The following PTOV1 variants were observed in gnomAD, a reference collection of about 807,000 sequenced individuals.
PTOV1 encodes prostate tumor-overexpressed gene 1 protein.
PTOV1 carries 20 observed loss-of-function variants against 58.0 expected under a neutral mutation model. That is an observed-to-expected ratio of 0.34 (90% confidence interval 0.24 to 0.50). The LOEUF (loss-of-function observed/expected upper bound fraction) is 0.50. Among genes scored for constraint, PTOV1 ranks in the 20% least tolerant of loss-of-function variants. The pLI is 0.98. For missense variants in PTOV1, 593 were observed against 565.4 expected, an observed-to-expected ratio of 1.05 and a Z score of -0.50; for synonymous variants, 335 against 234.2, an observed-to-expected ratio of 1.43 and a Z score of -3.93.
rs200354830 is a variant in PTOV1, at chr19:49,858,027, TC to T, written c.879-28del. 7.5e-4 allele frequency: 1,208 copies of T among 1,613,776 alleles called. 5 individuals are homozygous for T. In the African/African-American group the frequency reaches 0.014, roughly 19 times the overall value. On this transcript the variant is annotated intron_variant, in intron 8 of 11. Coordinates refer to ENST00000391842, the Ensembl canonical transcript of PTOV1. ...GGCAGCATCCAGGGGAGCTGGGGCT[TC>T]CTGACCCTCGTCCCTTTGTGCCCCA...
At position 49,851,738 on chromosome 19, in the gene PTOV1, A is replaced by G. The variant is rs913768421; in HGVS notation, c.171+239A>G. ...TGGGGGACGGGGGCGGGGCGGGCTC[A>G]TATTACTGCTGACTCCGCGGCCCGA... is the stretch of plus-strand genomic sequence containing the variant. On this transcript the variant is annotated intron_variant, in intron 1 of 11. Coordinates refer to ENST00000391842, the Ensembl canonical transcript of PTOV1. The G allele has an allele frequency of 9.9e-6, 11 of 1,114,968 alleles. No homozygotes were observed. The African/African-American group carries it at 1.2e-4, about 12-fold the overall frequency. 69.1% of individuals were successfully genotyped at this position (1,114,968 alleles called of 1,614,324 possible).
intron 5 of PTOV1, 167 bp downstream of exon 5, chr19:49,855,244 G>T (rs151174127): frequency 4.6e-6 from 3 of 648,382 alleles, no homozygotes; most frequent in Non-Finnish European, 8.2e-6. Context: ...GGCACCCTCC[G>T]TAGAGCACAG....
At position 49,857,838 on chromosome 19, in the gene PTOV1, TGGGAG is replaced by T. The variant is rs1168376146; in HGVS notation, c.804+61_805-57del. 7.4e-6 allele frequency: 12 copies of T among 1,611,996 alleles called. No homozygotes were observed. The South Asian group carries it at 8.8e-5, about 12-fold the overall frequency. On this transcript the variant is annotated intron_variant, in intron 7 of 11. Transcript: ENST00000391842. The stretch of plus-strand genomic sequence containing the variant: ...CCCCCAGATCCTCACGGACTGTGGC[TGGGAG>T]GGGACACTGGCATTGGGGGTCTCCA...
chr19:49,857,497 C>G, intron 6 of PTOV1, 196 bp from the exon 7 acceptor site: 1 of 639,494 alleles, frequency 1.6e-6, no homozygotes. Context: ...AGGGCCGGGA[C>G]CTGTCTCAGG....
At chr19:49,859,781 A>C in intron 10 of PTOV1, 1 of 607,034 alleles carries the variant, frequency 1.6e-6, no homozygotes, top group East Asian at 2.8e-5. Context: ...CCTTCCCGAC[A>C]GAGCCTGTTG....
chr19:49,851,160 G>C, exon 1 of PTOV1: 1 of 1,255,274 alleles, frequency 8.0e-7, no homozygotes, highest in Non-Finnish European at 1.0e-6. Flanking sequence ...GCTCGCCTCA[G>C]TGGTTCGGCC....
chr19:49,851,984 G>T (rs1398207721), intron 1 of PTOV1: 1 of 985,194 alleles, frequency 1.0e-6, no homozygotes, highest in Admixed American at 6.2e-5. Flanking sequence ...TGCGCACCTA[G>T]AATACGCGCC....
chr19:49,858,091 C>G (rs1435540688), exon 9 of PTOV1: 1 of 1,613,902 alleles, frequency 6.2e-7, no homozygotes, highest in East Asian at 2.2e-5. Flanking sequence ...GCTGTACATG[C>G]AGCTCATCCC....
intron 1 of PTOV1, among the ~76,000 whole-genome samples, chr19:49,854,075 T>C (rs1184673115): frequency 1.3e-5 from 2 of 152,218 alleles, no homozygotes; most frequent in African/African-American, 4.8e-5. Context: ...AGCTGGCTTC[T>C]AACTTGGGTC....
chr19:49,860,476 C>G, exon 12 of PTOV1: 1 of 815,838 alleles, frequency 1.2e-6, no homozygotes, highest in Non-Finnish European at 1.9e-6. Flanking sequence ...CCTAGGCTGT[C>G]GGGAAACTGC....
At chr19:49,857,906 C>T (rs1568647742) in exon 8 of PTOV1, 1 of 1,613,686 alleles carries the variant, frequency 6.2e-7, no homozygotes, top group East Asian at 2.2e-5. Flanking sequence ...CCCAAAAGCC[C>T]AGGCCTGAGC....
At chr19:49,859,403 C>T (rs1160745341) in intron 10 of PTOV1, 4 of 154,540 alleles carry the variant, frequency 2.6e-5, no homozygotes, top group Non-Finnish European at 5.7e-5. Context: ...CCAGCCTGGC[C>T]AACATGGTGA....
exon 5 of PTOV1, chr19:49,855,062 C>T (rs778770996): frequency 1.3e-5 from 21 of 1,595,044 alleles, no homozygotes; most frequent in Non-Finnish European, 1.6e-5. Context: ...TCTGCCGCAT[C>T]ATGGGCAACG....
At position 49,860,289 on chromosome 19, in the gene PTOV1, C is replaced by T. The variant is rs552306813; in HGVS notation, c.*10C>T. 7.8e-5 allele frequency: 122 copies of T among 1,568,950 alleles called. 1 individual carries two copies. Among genetic ancestry groups the T allele is most frequent in the Admixed American group, 6.2e-4 (36 of 58,342 alleles). On this transcript the variant is annotated 3_prime_UTR_variant, in exon 12 of 12. Coordinates refer to ENST00000391842, the Ensembl canonical transcript of PTOV1. ...GTAGATGGGGGGGTAGTGGTTACCCCGGGCTGGGCCCCTCCAGGAGTCACA... is the reference window on the plus strand; with the variant it reads ...GTAGATGGGGGGGTAGTGGTTACCCTGGGCTGGGCCCCTCCAGGAGTCACA...
chr19:49,853,601 G>A (rs2074343451), intron 1 of PTOV1, among the ~76,000 whole-genome samples: 1 of 146,306 alleles, frequency 6.8e-6, no homozygotes, highest in Non-Finnish European at 1.5e-5. Context: ...TGGGAAATGA[G>A]TGAAACTCTG....
intron 1 of PTOV1, 139 bp from the exon 2 acceptor site, chr19:49,854,267 G>A (rs1437090504): frequency 2.6e-6 from 3 of 1,142,562 alleles, no homozygotes; most frequent in Non-Finnish European, 2.5e-6. Context: ...GTGAGCAGAG[G>A]GTTTGGACAT....
chr19:49,858,656 G>T lies in PTOV1; in HGVS notation c.1041+3G>T, dbSNP rs1000841885. 3 of 1,590,558 alleles carry T rather than the reference G, an allele frequency of 1.9e-6. No homozygotes were observed. The highest frequency in any genetic ancestry group is 2.6e-6 in the Non-Finnish European group (3 of 1,167,718). On this transcript the variant is annotated splice_donor_region_variant and intron_variant, in intron 10 of 11. Transcript: ENST00000391842. ...GCCGGATCATGGACAATGGCTTCGT[G>T]AGTGGTGCCAGCAGACGCAGGGGAG...
exon 4 of PTOV1, chr19:49,854,837 C>T (rs1327378257): frequency 1.4e-5 from 22 of 1,613,316 alleles, no homozygotes; most frequent in Non-Finnish European, 1.8e-5. Context: ...ATAGGGAGAC[C>T]GACCAGTGGC....
chr19:49,860,073 G>A, exon 11 of PTOV1: 1 of 1,614,202 alleles, frequency 6.2e-7, no homozygotes, highest in Non-Finnish European at 8.5e-7. Context: ...AATCTTCATT[G>A]GCCTCATCCC....
Sources: allele counts gnomAD v4.1 joint callset (sites outside exome capture counted in the v4.1 genomes callset), GRCh38; gene constraint gnomAD v4.1.1; transcripts MANE v1.5; gene names NCBI Gene and HGNC (gene_info 2026-07-23, HGNC 2026-07-21).